Variants in TNR observed in about 807,000 individuals in gnomAD.
The protein encoded by TNR is tenascin R.
TNR carries 45 observed loss-of-function variants against 150.4 expected under a neutral mutation model. The observed-to-expected ratio is 0.30, with a 90% confidence interval of 0.24 to 0.38. The LOEUF (loss-of-function observed/expected upper bound fraction) is 0.38, where lower values mean the gene tolerates loss of function less well. TNR is among the 10% of genes least tolerant of loss of function. The pLI is 1.00. For synonymous variants in TNR, 687 were observed against 678.4 expected, an observed-to-expected ratio of 1.01 and a Z score of -0.20; for missense variants, 1,544 against 1,759.1, an observed-to-expected ratio of 0.88 and a Z score of 2.19.
At chr1:175,404,940 T>A (rs1404496730) in intron 3 of TNR, among the ~76,000 whole-genome samples, 1 of 152,230 alleles carries the variant, frequency 6.6e-6, no homozygotes, top group Non-Finnish European at 1.5e-5. Context: ...ATGAAATATT[T>A]TAGTCCTCAG....
intron 1 of TNR, among the ~76,000 whole-genome samples, chr1:175,635,227 G>A (rs905787999): frequency 1.3e-5 from 2 of 152,204 alleles, no homozygotes; most frequent in Admixed American, 6.5e-5. Context: ...TTGCACCTGG[G>A]CATATCTGGA....
chr1:175,393,919 C>T (rs760355101), intron 5 of TNR, 24 bp from the exon 6 acceptor site: 1 of 1,561,964 alleles, frequency 6.4e-7, no homozygotes, highest in East Asian at 2.2e-5. Flanking sequence ...ATGTAGGTGA[C>T]AATGTCATGG....
rs1475053263 is a variant in TNR at position 175,406,733 on chromosome 1, G to C, written c.-19C>G. 1.2e-6 allele frequency: 2 copies of C among 1,610,490 alleles called. No homozygotes were observed. The highest frequency in any genetic ancestry group is 1.7e-6 in the Non-Finnish European group (2 of 1,178,200). ...CCCCCATCCTCTCAGCCAGAGATCT[G>C]GGTTCAGGACCAGCCTGCAGCACAC... On this transcript the variant is annotated 5_prime_UTR_variant, in exon 3 of 23. Coordinates refer to ENST00000367674, the MANE Select transcript of TNR (RefSeq NM_003285.3).
intron 21 of TNR, among the ~76,000 whole-genome samples, chr1:175,329,055 A>G (rs781202080): frequency 2.0e-5 from 3 of 152,212 alleles, no homozygotes; most frequent in Non-Finnish European, 4.4e-5. Context: ...GCTGTTGGAA[A>G]TGATCTCAGA....
At chr1:175,573,756 C>A (rs1182524527) in intron 1 of TNR, among the ~76,000 whole-genome samples, 1 of 152,096 alleles carries the variant, frequency 6.6e-6, no homozygotes, top group Admixed American at 6.6e-5. Flanking sequence ...GATGCAGAAG[C>A]TGGCAATGCA....
At chr1:175,424,488 C>A (rs886705602) in intron 2 of TNR, among the ~76,000 whole-genome samples, 2 of 152,202 alleles carry the variant, frequency 1.3e-5, no homozygotes, top group African/African-American at 4.8e-5. Context: ...AGAATTGTGT[C>A]TAAACCCCAC....
At chr1:175,421,579 T>C (rs17376357) in intron 2 of TNR, among the ~76,000 whole-genome samples, 5,112 of 152,336 alleles carry the variant, frequency 0.034, 137 homozygotes, top group Middle Eastern at 0.11. Context: ...TAGAATATTA[T>C]ACCTTCATTA....
chr1:175,456,042 A>C (rs1325047700), intron 2 of TNR, among the ~76,000 whole-genome samples: 1 of 152,194 alleles, frequency 6.6e-6, no homozygotes, highest in Non-Finnish European at 1.5e-5. Context: ...TGCCAGCTCT[A>C]AGGCCTGTTG....
chr1:175,511,271 T>C (rs959945020), intron 2 of TNR, among the ~76,000 whole-genome samples: 7 of 152,208 alleles, frequency 4.6e-5, no homozygotes, highest in African/African-American at 1.7e-4. Flanking sequence ...ATGTCAAATA[T>C]TTGCTTCACT....
rs150994261 is a variant in TNR, at chr1:175,435,324, T to C, written c.-63-28547A>G. Among the ~76,000 whole-genome samples the C allele has an allele frequency of 6.6e-5, 10 of 152,218 alleles. No individual in the cohort carries two copies. In the East Asian group the frequency reaches 1.9e-3, roughly 29 times the overall value. ...ATTAATGGGATTCCAGCCTGATGGA[T>C]TGATAGTTGGTGAGAGAAAGAAGGA... On this transcript the variant is annotated intron_variant, in intron 2 of 22. Coordinates refer to ENST00000367674, the MANE Select transcript of TNR (RefSeq NM_003285.3).
intron 18 of TNR, among the ~76,000 whole-genome samples, chr1:175,341,625 A>G (rs1650527713): frequency 6.6e-6 from 1 of 151,990 alleles, no homozygotes; most frequent in African/African-American, 2.4e-5. Context: ...CCTGCTCTTT[A>G]CTTGTTTTGG....
In TNR at chr1:175,606,527, C is replaced by T. The variant is rs559622283; in HGVS notation, c.-164-78158G>A. Among the ~76,000 whole-genome samples, 6 of 152,244 alleles carry T rather than the reference C, an allele frequency of 3.9e-5. No individual in the cohort carries two copies. In the East Asian group the frequency reaches 1.2e-3, roughly 29 times the overall value. On this transcript the variant is annotated intron_variant, in intron 1 of 22. Coordinates refer to ENST00000367674, the MANE Select transcript of TNR (RefSeq NM_003285.3). Reference sequence around the variant, plus strand: ...ACACGATTTTTGGAAAGTACTTTAACCTCTCTGTGCCTTTACTTTCTCATC... The same window carrying T: ...ACACGATTTTTGGAAAGTACTTTAATCTCTCTGTGCCTTTACTTTCTCATC...
At chr1:175,479,961 G>C (rs942243814) in intron 2 of TNR, among the ~76,000 whole-genome samples, 1 of 152,090 alleles carries the variant, frequency 6.6e-6, no homozygotes, top group African/African-American at 2.4e-5. Context: ...AGTAGCTCCT[G>C]TCTTCATGTT....
chr1:175,713,617 A>G (rs980439725), intron 1 of TNR, among the ~76,000 whole-genome samples: 24 of 152,156 alleles, frequency 1.6e-4, no homozygotes, highest in African/African-American at 5.3e-4. Context: ...TTCAATCATC[A>G]CCAAAACCCA....
chr1:175,340,603 C>T (rs1650474221), intron 18 of TNR, among the ~76,000 whole-genome samples: 1 of 152,210 alleles, frequency 6.6e-6, no homozygotes, highest in African/African-American at 2.4e-5. Context: ...TTCCTGGTTT[C>T]CATAGCAGAT....
chr1:175,622,460 T>A (rs1346556882), intron 1 of TNR, among the ~76,000 whole-genome samples: 2 of 152,172 alleles, frequency 1.3e-5, no homozygotes, highest in Non-Finnish European at 2.9e-5. Flanking sequence ...CACACTAACC[T>A]CTATCTAACC....
chr1:175,502,449 A>G (rs1658776018), intron 2 of TNR, among the ~76,000 whole-genome samples: 1 of 152,172 alleles, frequency 6.6e-6, no homozygotes, highest in Non-Finnish European at 1.5e-5. Flanking sequence ...TTGCAGGGAT[A>G]CAAACTCGGG....
chr1:175,414,284 G>GA lies in TNR; in HGVS notation c.-63-7508dup, dbSNP rs138359481. 9.9e-3 allele frequency among the ~76,000 whole-genome samples: 1,439 copies of GA among 145,442 alleles called. 25 individuals carry two copies. Among genetic ancestry groups the GA allele is most frequent in the African/African-American group, 0.034 (1,350 of 39,510 alleles). ...AAAAGAGGGAAAAACAGAGAAGGAA[G>GA]AAAAAAAAAAGAGAAGGTGGAGGAG... On this transcript the variant is annotated intron_variant, in intron 2 of 22. Transcript: ENST00000367674.
intron 1 of TNR, among the ~76,000 whole-genome samples, chr1:175,531,656 G>C (rs1224481629): frequency 6.6e-6 from 1 of 152,170 alleles, no homozygotes; most frequent in African/African-American, 2.4e-5. Context: ...TGTTCTTTCT[G>C]TCCACGCTGC....
Sources: gnomAD v4.1 joint callset for allele counts (sites outside exome capture counted in the v4.1 genomes callset) on GRCh38, gnomAD v4.1.1 for gene constraint, MANE v1.5 for transcripts, NCBI Gene and HGNC (gene_info 2026-07-23, HGNC 2026-07-21) for gene names.